The following ADD2 variants were observed in gnomAD, a reference collection of about 807,000 sequenced individuals.
ADD2 encodes beta-adducin.
A neutral mutation model predicts 83.0 loss-of-function variants in ADD2; 23 were observed. That is an observed-to-expected ratio of 0.28 (90% CI 0.20 to 0.39). The LOEUF (loss-of-function observed/expected upper bound fraction) is 0.39. Among genes scored for constraint, ADD2 ranks in the 10% least tolerant of loss-of-function variants. ADD2 has a pLI of 1.00. For missense variants in ADD2, 758 were observed against 944.9 expected (o/e 0.80, Z 2.59); for synonymous variants, 375 against 375.4 (o/e 1.00, Z 0.01).
chr2:70,685,255 C>A (rs1670657684), intron 9 of ADD2, among the ~76,000 whole-genome samples: 1 of 152,116 alleles, frequency 6.6e-6, no homozygotes, highest in South Asian at 2.1e-4. Flanking sequence ...GGTCTATGAA[C>A]CCAAGAGGAT....
At chr2:70,722,316 A>C (rs1172758561) in intron 1 of ADD2, among the ~76,000 whole-genome samples, 1 of 152,224 alleles carries the variant, frequency 6.6e-6, no homozygotes, top group Non-Finnish European at 1.5e-5. Context: ...AGAAAGAAAA[A>C]AAAAACATTG....
intron 1 of ADD2, among the ~76,000 whole-genome samples, chr2:70,742,097 T>G (rs1298171080): frequency 1.3e-5 from 2 of 152,256 alleles, no homozygotes; most frequent in Admixed American, 1.3e-4. Context: ...CATTATATAC[T>G]ACACCTTTAA....
intron 15 of ADD2, 144 bp downstream of exon 15, chr2:70,672,734 T>C (rs1669950625): frequency 8.6e-6 from 8 of 926,806 alleles, no homozygotes; most frequent in Non-Finnish European, 1.3e-5. Context: ...ACATGAAACT[T>C]GATAACCCCT....
intron 1 of ADD2, among the ~76,000 whole-genome samples, chr2:70,751,156 TATA>T (rs1553382875): frequency 6.6e-6 from 1 of 152,236 alleles, no homozygotes; most frequent in Non-Finnish European, 1.5e-5. Context: ...GTCTGATTTC[TATA>T]ATGAAGAGGT....
intron 4 of ADD2, among the ~76,000 whole-genome samples, chr2:70,700,422 G>A (rs1274180728): frequency 6.6e-6 from 1 of 152,142 alleles, no homozygotes; most frequent in East Asian, 1.9e-4. Context: ...TAATTACTAT[G>A]TGTCAAATTC....
rs1553365214 is a variant in ADD2 at position 70,662,625 on chromosome 2, C to T, written c.*800G>A. The T allele has an allele frequency of 6.6e-6, 1 of 152,218 alleles. No homozygotes were observed. Among genetic ancestry groups the T allele is most frequent in the African/African-American group, 2.4e-5 (1 of 41,450 alleles). 9.4% of individuals were successfully genotyped at this position (152,218 alleles called of 1,614,324 possible). A position where few individuals can be genotyped will look rare whatever the true frequency, so the allele number is the denominator to read the frequency against. ...AACTTCCCCAAATTTCTGCCCTGAG[C>T]ATTAAACAACTTTTTCCTATGCTAA... On this transcript the variant is annotated 3_prime_UTR_variant, in exon 16 of 16. Transcript: ENST00000264436.
At chr2:70,729,508 T>G (rs3771429) in intron 1 of ADD2, among the ~76,000 whole-genome samples, 43,558 of 152,000 alleles carry the variant, frequency 0.29, 6,770 homozygotes, top group East Asian at 0.57. Context: ...TTCATTGAAC[T>G]TATGAAGAAA....
rs1450365923 is a variant in ADD2, at chr2:70,662,971, A to T, written c.*454T>A. On this transcript the variant is annotated 3_prime_UTR_variant, in exon 16 of 16. Coordinates refer to ENST00000264436, the MANE Select transcript of ADD2 (RefSeq NM_001617.4). ...AGAGAAGAGATTTTTAAATGTAGAG[A>T]TAGCTCCATCCACAGGAGATTGGAT... The T allele has an allele frequency of 6.3e-6, 1 of 158,526 alleles. No individual in the cohort carries two copies. Among genetic ancestry groups the T allele is most frequent in the Non-Finnish European group, 1.4e-5 (1 of 72,010 alleles). The allele number at this position is 158,526 out of a possible 1,614,324, so 9.8% of individuals were successfully genotyped here.
chr2:70,669,547 A>T (rs932356005), intron 15 of ADD2, among the ~76,000 whole-genome samples: 4 of 152,236 alleles, frequency 2.6e-5, no homozygotes, highest in African/African-American at 4.8e-5. Context: ...CACAGCTAGG[A>T]TACAAATGTT....
chr2:70,743,949 A>C (rs1674050520), intron 1 of ADD2, among the ~76,000 whole-genome samples: 1 of 152,228 alleles, frequency 6.6e-6, no homozygotes. Context: ...TCATTTGTTC[A>C]TCAATCAAAT....
At chr2:70,760,720 G>T (rs1459949067) in intron 1 of ADD2, 1 of 152,054 alleles carries the variant, frequency 6.6e-6, no homozygotes, top group Non-Finnish European at 1.5e-5. Flanking sequence ...TGGTCACACG[G>T]GCATTCACTT....
Position 70,705,082 on chromosome 2 carries a change from A to T in ADD2, c.184-623T>A, listed in dbSNP as rs180970246. Among the ~76,000 whole-genome samples the T allele has an allele frequency of 2.4e-3, 372 of 152,228 alleles. 2 individuals carry two copies. Among genetic ancestry groups the T allele is most frequent in the African/African-American group, 8.6e-3 (357 of 41,528 alleles). On this transcript the variant is annotated intron_variant, in intron 3 of 15. Transcript: ENST00000264436. ...GGCCAACCTGTAAAAGGGAAGAAGG[A>T]AGCAGGCCCTCCTCCAACCCCTATT...
Sources: allele counts gnomAD v4.1 joint callset (sites outside exome capture counted in the v4.1 genomes callset), GRCh38; gene constraint gnomAD v4.1.1; transcripts MANE v1.5; gene names NCBI Gene and HGNC (gene_info 2026-07-23, HGNC 2026-07-21).